EYA1: variants seen among roughly 807,000 people sequenced by gnomAD.
EYA1 encodes the protein protein phosphatase EYA1.
A neutral mutation model predicts 82.0 loss-of-function variants in EYA1; 16 were observed. The ratio of observed to expected loss-of-function variants is 0.20; its 90% CI spans 0.13 to 0.30. The LOEUF (loss-of-function observed/expected upper bound fraction) is 0.30. Ranked by LOEUF, EYA1 falls within the 10% of genes least tolerant of loss-of-function variation. The pLI, the probability that EYA1 is intolerant of heterozygous loss-of-function variation, is 1.00. For missense variants in EYA1, 633 were observed against 730.7 expected, an observed-to-expected ratio of 0.87 and a Z score of 1.54; for synonymous variants, 261 against 264.4, an observed-to-expected ratio of 0.99 and a Z score of 0.12.
chr8:71,400,373 G>C (rs561095404), intron 2 of EYA1, among the ~76,000 whole-genome samples: 1 of 152,188 alleles, frequency 6.6e-6, no homozygotes, highest in Admixed American at 6.5e-5. Context: ...TATAGAATGG[G>C]AGAAAATGTT....
At chr8:71,376,165 G>C (rs944827662) in intron 2 of EYA1, among the ~76,000 whole-genome samples, 2 of 152,168 alleles carry the variant, frequency 1.3e-5, no homozygotes, top group African/African-American at 4.8e-5. Context: ...GAGTTAAGAC[G>C]TAAACAATGA....
rs1473899627 is a variant in EYA1 at position 71,495,824 on chromosome 8, G to T, written c.33+39920C>A. ...GCAGATATGAGTGGTCTCCCTGGGTGAAAAGGTAATGTCTTACAGTTTTCT... is the reference window on the plus strand; with the variant it reads ...GCAGATATGAGTGGTCTCCCTGGGTTAAAAGGTAATGTCTTACAGTTTTCT... On this transcript the variant is annotated intron_variant, in intron 2 of 18. Transcript: ENST00000643681. Among the ~76,000 whole-genome samples, 3 of 152,084 alleles carry T rather than the reference G, an allele frequency of 2.0e-5. No homozygotes were observed. The East Asian group carries it at 5.8e-4, about 29-fold the overall frequency.
intron 11 of EYA1, among the ~76,000 whole-genome samples, chr8:71,269,050 T>C (rs1166698080): frequency 6.6e-6 from 1 of 152,176 alleles, no homozygotes; most frequent in Non-Finnish European, 1.5e-5. Flanking sequence ...TTAAATAACA[T>C]TTTTGCCTGG....
At chr8:71,250,223 G>C (rs1813582336) in intron 11 of EYA1, among the ~76,000 whole-genome samples, 1 of 152,080 alleles carries the variant, frequency 6.6e-6, no homozygotes, top group Non-Finnish European at 1.5e-5. Flanking sequence ...ATTCAAGATG[G>C]CCTGTTTCTG....
chr8:71,451,247 G>A (rs1312751493), intron 2 of EYA1, among the ~76,000 whole-genome samples: 1 of 152,152 alleles, frequency 6.6e-6, no homozygotes, highest in Non-Finnish European at 1.5e-5. Context: ...ATGTACACAT[G>A]TTCATCATCA....
chr8:71,306,929 CCA>C (rs1820796553), intron 7 of EYA1, among the ~76,000 whole-genome samples: 2 of 152,206 alleles, frequency 1.3e-5, no homozygotes, highest in African/African-American at 4.8e-5. Context: ...GATGGATAAA[CCA>C]TGTCTGACTC....
intron 2 of EYA1, among the ~76,000 whole-genome samples, chr8:71,532,192 C>G (rs191177691): frequency 6.6e-6 from 1 of 152,284 alleles, no homozygotes; most frequent in African/African-American, 2.4e-5. Context: ...ACAGTGGCAG[C>G]ACCAAGATGA....
chr8:71,299,752 C>T (rs768862353), intron 7 of EYA1, 32 bp from the exon 8 acceptor site: 5 of 1,150,958 alleles, frequency 4.3e-6, no homozygotes, highest in Admixed American at 1.7e-5. Context: ...TACGATTATA[C>T]CAGGCTTGTG....
intron 3 of EYA1, among the ~76,000 whole-genome samples, chr8:71,334,689 G>A (rs1824284271): frequency 6.6e-6 from 1 of 152,060 alleles, no homozygotes; most frequent in African/African-American, 2.4e-5. Flanking sequence ...AAAACCAAGG[G>A]CTTGATTTAA....
chr8:71,276,038 G>C (rs78310657), intron 9 of EYA1, among the ~76,000 whole-genome samples: 4,835 of 152,248 alleles, frequency 0.032, 265 homozygotes, highest in African/African-American at 0.11. Flanking sequence ...TCAAAGTGCT[G>C]ATCTGGGACA....
chr8:71,533,593 T>C (rs1814467398), intron 2 of EYA1, among the ~76,000 whole-genome samples: 1 of 152,146 alleles, frequency 6.6e-6, no homozygotes, highest in African/African-American at 2.4e-5. Context: ...CTTTAAATTC[T>C]TTATATTCTT....
chr8:71,512,240 T>C lies in EYA1; in HGVS notation c.33+23504A>G, dbSNP rs556519814. ...TTCCTGAATGAGTGATAATATCTTC[T>C]AAGCTAATTGGTGTTCAAAGCTGAA... On this transcript the variant is annotated intron_variant, in intron 2 of 18. Coordinates refer to the EYA1 transcript ENST00000643681. Among the ~76,000 whole-genome samples the C allele has an allele frequency of 7.0e-4, 106 of 152,292 alleles. 1 individual carries two copies. The highest frequency in any genetic ancestry group is 2.2e-3 in the African/African-American group (91 of 41,566).
At chr8:71,252,683 G>A (rs1292917179) in intron 11 of EYA1, among the ~76,000 whole-genome samples, 1 of 152,132 alleles carries the variant, frequency 6.6e-6, no homozygotes, top group Non-Finnish European at 1.5e-5. Context: ...GGCAAAAGGT[G>A]TCCTATACTC....
chr8:71,464,463 G>T (rs1339119483), intron 2 of EYA1, among the ~76,000 whole-genome samples: 1 of 152,134 alleles, frequency 6.6e-6, no homozygotes, highest in Non-Finnish European at 1.5e-5. Flanking sequence ...CCCCATCTGT[G>T]CCACTTACAC....
chr8:71,300,964 A>G (rs1820136603), intron 7 of EYA1, among the ~76,000 whole-genome samples: 1 of 152,204 alleles, frequency 6.6e-6, no homozygotes, highest in Non-Finnish European at 1.5e-5. Context: ...CATAGCATTC[A>G]TTAAGCCAAT....
At chr8:71,324,002 T>C (rs1242621832) in intron 4 of EYA1, 1 of 152,114 alleles carries the variant, frequency 6.6e-6, no homozygotes, top group Non-Finnish European at 1.5e-5. Flanking sequence ...ACAATTGGAG[T>C]TCAAAATAAT....
chr8:71,326,391 C>G (rs1443331745), intron 4 of EYA1, among the ~76,000 whole-genome samples: 1 of 151,628 alleles, frequency 6.6e-6, no homozygotes, highest in East Asian at 1.9e-4. Context: ...CAAAATATAC[C>G]CCAAACCTTA....
In EYA1 at chr8:71,272,030, T is replaced by C. The variant is rs920628482; in HGVS notation, c.827-133A>G. The stretch of plus-strand genomic sequence containing the variant: ...TTCTGCTGAAATCCTACATCGTCTT[T>C]TACTTGCGCTGGTAAATAATTTATA... On this transcript the variant is annotated intron_variant, in intron 9 of 17. Transcript: ENST00000340726. 12 of 917,014 alleles carry C rather than the reference T, an allele frequency of 1.3e-5. No individual in the cohort carries two copies. The East Asian group carries it at 2.4e-4, about 18-fold the overall frequency. 56.8% of individuals were successfully genotyped at this position (917,014 alleles called of 1,614,324 possible).
chr8:71,521,584 G>T (rs1813405103), intron 2 of EYA1, among the ~76,000 whole-genome samples: 1 of 152,136 alleles, frequency 6.6e-6, no homozygotes, highest in African/African-American at 2.4e-5. Flanking sequence ...ATTAACCAGA[G>T]AAATCACTGT....
Sources: allele counts gnomAD v4.1 joint callset (sites outside exome capture counted in the v4.1 genomes callset), GRCh38; gene constraint gnomAD v4.1.1; transcripts MANE v1.5; gene names NCBI Gene and HGNC (gene_info 2026-07-23, HGNC 2026-07-21).